TOP1MT: variants seen among roughly 807,000 people sequenced by gnomAD.
TOP1MT encodes the protein DNA topoisomerase I mitochondrial.
TOP1MT carries 80 observed loss-of-function variants against 73.9 expected under a neutral mutation model. That is an observed-to-expected ratio of 1.08 (90% CI 0.90 to 1.30). The LOEUF is 1.30. TOP1MT is among the 50% of genes most tolerant of loss of function. The probability of loss-of-function intolerance (pLI) is 0.00; values close to 1 mark genes in which losing one functional copy is unlikely to be tolerated. For synonymous variants in TOP1MT, 338 were observed against 326.4 expected (o/e 1.04, Z -0.38); for missense variants, 815 against 808.0 (o/e 1.01, Z -0.10).
chr8:143,312,438 C>T (rs1456765915), intron 12 of TOP1MT, among the ~76,000 whole-genome samples: 1 of 151,994 alleles, frequency 6.6e-6, no homozygotes, highest in Non-Finnish European at 1.5e-5. Flanking sequence ...TATAATACAT[C>T]CTATCAATAT....
At chr8:143,335,624 G>C (rs1447143922), upstream of TOP1MT, among the ~76,000 whole-genome samples, 1 of 152,254 alleles carries the variant, frequency 6.6e-6, no homozygotes, top group African/African-American at 2.4e-5. Flanking sequence ...TAGGCCCTGA[G>C]CCACAACAGG....
chr8:143,322,995 C>A (rs1816550760), intron 7 of TOP1MT, among the ~76,000 whole-genome samples: 1 of 119,324 alleles, frequency 8.4e-6, no homozygotes, highest in Non-Finnish European at 1.7e-5. Context: ...CACACGCACG[C>A]CACACACAGG....
intron 1 of TOP1MT, among the ~76,000 whole-genome samples, chr8:143,351,597 A>G (rs1005111017): frequency 6.7e-6 from 1 of 149,414 alleles, no homozygotes; most frequent in African/African-American, 2.6e-5. Flanking sequence ...AAAAAAGAAA[A>G]AAAGAAAAGG....
chr8:143,325,424 C>G lies in TOP1MT; in HGVS notation c.593G>C (p.Arg198Pro). ...CATCTTGGGATGGTCGCCACGGCCA[C>G]GGAACAAGCCAGGCGGCTCAATCTT... ...NFKIEPPGLF[R>P]GRGDHPKMGM... Residue 198 changes from arginine to proline, a missense_variant, in exon 5 of 14, where the codon CGT becomes CCT. By Grantham distance (103) the Arg-to-Pro change is moderately radical. Transcript: ENST00000329245. 1 of 1,612,888 alleles carries G rather than the reference C, an allele frequency of 6.2e-7. No homozygotes were observed.
chr8:143,323,286 A>G (rs1263227852), intron 7 of TOP1MT, among the ~76,000 whole-genome samples: 10 of 94,892 alleles, frequency 1.1e-4, no homozygotes, highest in Non-Finnish European at 1.9e-4. Flanking sequence ...CACGCACGCC[A>G]CACACGCACG....
upstream of TOP1MT, among the ~76,000 whole-genome samples, chr8:143,337,056 T>C (rs544195356): frequency 6.6e-6 from 1 of 152,304 alleles, no homozygotes; most frequent in Admixed American, 6.5e-5. Flanking sequence ...CTGTAAAACA[T>C]TGCCCAAAGA....
At chr8:143,311,147 T>G (rs1816005530) in intron 12 of TOP1MT, among the ~76,000 whole-genome samples, 1 of 149,302 alleles carries the variant, frequency 6.7e-6, no homozygotes, top group Non-Finnish European at 1.5e-5. Context: ...TTTTGTATTT[T>G]TAGCAGAGAC....
chr8:143,347,129 C>T (rs1381837481), upstream of TOP1MT, among the ~76,000 whole-genome samples: 2 of 151,792 alleles, frequency 1.3e-5, no homozygotes, highest in East Asian at 3.9e-4. Context: ...GGATTACAGG[C>T]ATACGCCACC....
intron 2 of TOP1MT, among the ~76,000 whole-genome samples, chr8:143,342,949 G>A (rs544209653): frequency 6.6e-6 from 1 of 151,848 alleles, no homozygotes; most frequent in Admixed American, 6.6e-5. Flanking sequence ...TTAGTAGAGA[G>A]GGGGTTTCAT....
At chr8:143,317,270 C>T (rs1027592923) in intron 10 of TOP1MT, among the ~76,000 whole-genome samples, 2 of 152,160 alleles carry the variant, frequency 1.3e-5, no homozygotes, top group African/African-American at 2.4e-5. Flanking sequence ...ACAGCATCCC[C>T]AGGTTGATGG....
At chr8:143,318,158 G>A (rs562378575) in intron 8 of TOP1MT, 72 bp from the exon 9 acceptor site, 21 of 1,461,950 alleles carry the variant, frequency 1.4e-5, no homozygotes, top group Middle Eastern at 3.7e-4. Context: ...GGGCGTCTAC[G>A]CAGAGCCTGG....
At chr8:143,318,206 G>A in intron 8 of TOP1MT, 120 bp from the exon 9 acceptor site, 1 of 818,126 alleles carries the variant, frequency 1.2e-6, no homozygotes, top group East Asian at 2.5e-5. Context: ...GGTGGCCCGA[G>A]CAGCATCACC....
At chr8:143,354,769 A>G (rs1434063382) in intron 1 of TOP1MT, among the ~76,000 whole-genome samples, 2 of 152,164 alleles carry the variant, frequency 1.3e-5, no homozygotes, top group Non-Finnish European at 2.9e-5. Flanking sequence ...TTAACTGAGC[A>G]AAGAGTCATC....
chr8:143,313,276 C>T (rs147232296), intron 12 of TOP1MT, among the ~76,000 whole-genome samples: 47 of 152,264 alleles, frequency 3.1e-4, no homozygotes, highest in Non-Finnish European at 4.3e-4. Context: ...TGTGGCCGGG[C>T]GCAGTTGCTC....
chr8:143,353,141 G>A (rs1037201648), intron 1 of TOP1MT, among the ~76,000 whole-genome samples: 37 of 152,140 alleles, frequency 2.4e-4, no homozygotes, highest in African/African-American at 8.0e-4. Flanking sequence ...AGGGCCAGGC[G>A]GGGTGGCTCA....
At chr8:143,334,718 C>T (rs1816945078) in intron 1 of TOP1MT, 22 bp downstream of exon 1, 1 of 1,598,808 alleles carries the variant, frequency 6.3e-7, no homozygotes, top group South Asian at 1.1e-5. Context: ...GCCCTCGCCG[C>T]CTGCTCACTG....
upstream of TOP1MT, among the ~76,000 whole-genome samples, chr8:143,349,404 C>G (rs1208437166): frequency 6.6e-6 from 1 of 151,426 alleles, no homozygotes; most frequent in African/African-American, 2.4e-5. Flanking sequence ...CCTACCTGAC[C>G]CAAAGACTAG....
At chr8:143,309,788 C>G in intron 13 of TOP1MT, 1 of 1,533,640 alleles carries the variant, frequency 6.5e-7, no homozygotes, top group Non-Finnish European at 8.7e-7. Context: ...TCAGCCACCT[C>G]CCACTCCCTG....
chr8:143,331,239 G>T lies in TOP1MT; in HGVS notation c.223C>A (p.Arg75Ser). ...GCATCCTTACCTTCATAGAAGAAAC[G>T]CACTCCGTCGGGAAGGGGCTCGTAT... Reference protein sequence around the residue: ...PPYEPLPDGVRFFYEGRPVRL... With the variant: ...PPYEPLPDGVSFFYEGRPVRL... The change falls in exon 2 of 14, where the codon CGT becomes AGT. Residue 75 changes from arginine (R) to serine (S), a missense_variant. This residue lies in a region of TOP1MT where 751 missense variants were observed against 725.4 expected (regional missense o/e 1.04). Coordinates refer to ENST00000329245, the MANE Select transcript of TOP1MT (RefSeq NM_052963.3). 1 of 1,607,950 alleles carries T rather than the reference G, an allele frequency of 6.2e-7. No homozygotes were observed.
Sources: gnomAD v4.1 joint callset for allele counts (sites outside exome capture counted in the v4.1 genomes callset) on GRCh38, gnomAD v4.1.1 for gene constraint, gnomAD v4.1.1 regional missense constraint, MANE v1.5 for transcripts, NCBI Gene and HGNC (gene_info 2026-07-23, HGNC 2026-07-21) for gene names.